The following RBPJ variants were observed in gnomAD, a reference collection of about 807,000 sequenced individuals.
RBPJ encodes recombining binding protein suppressor of hairless.
RBPJ carries 9 observed loss-of-function variants against 67.8 expected under a neutral mutation model. The observed-to-expected ratio is 0.13, with a 90% CI of 0.08 to 0.23. The LOEUF is 0.23. Ranked by LOEUF, RBPJ falls within the 10% of genes least tolerant of loss-of-function variation. The probability of loss-of-function intolerance (pLI) is 1.00; values close to 1 mark genes in which losing one functional copy is unlikely to be tolerated. For missense variants in RBPJ, 305 were observed against 595.6 expected (o/e 0.51, Z 5.08); for synonymous variants, 198 against 203.3 (o/e 0.97, Z 0.22).
chr4:26,316,577 A>ATATTCATG (rs1560258540), upstream of RBPJ, among the ~76,000 whole-genome samples: 30 of 65,986 alleles, frequency 4.5e-4, no homozygotes, highest in African/African-American at 2.1e-3. Context: ...ACATTCATAT[A>ATATTCATG]TATACATTCA....
the RBPJ span, among the ~76,000 whole-genome samples, chr4:26,155,671 G>A: frequency 6.6e-6 from 1 of 152,120 alleles, no homozygotes; most frequent in Admixed American, 6.5e-5. Flanking sequence ...CTGACCTCAA[G>A]TGATCTGCCC....
intron 2 of RBPJ, among the ~76,000 whole-genome samples, chr4:26,389,585 T>C (rs1185650213): frequency 1.3e-5 from 2 of 149,658 alleles, no homozygotes; most frequent in African/African-American, 2.5e-5. Context: ...AGAAATCCGA[T>C]TCTGTACAAA....
At chr4:26,317,878 A>C (rs986855069), upstream of RBPJ, among the ~76,000 whole-genome samples, 3 of 152,082 alleles carry the variant, frequency 2.0e-5, no homozygotes, top group African/African-American at 7.2e-5. Context: ...CTTTGTGGTT[A>C]CCATGGCTTC....
chr4:26,378,512 A>G (rs993166550), intron 1 of RBPJ, among the ~76,000 whole-genome samples: 2 of 152,164 alleles, frequency 1.3e-5, no homozygotes, highest in Non-Finnish European at 2.9e-5. Flanking sequence ...AGGTATGGAT[A>G]TTTGGAAAGA....
At chr4:26,316,139 A>C (rs1460827193), upstream of RBPJ, among the ~76,000 whole-genome samples, 1 of 151,952 alleles carries the variant, frequency 6.6e-6, no homozygotes, top group African/African-American at 2.4e-5. Context: ...AGAAATTATA[A>C]GAGTATTATT....
intron 1 of RBPJ, among the ~76,000 whole-genome samples, chr4:26,340,344 A>T (rs1369924852): frequency 6.6e-6 from 1 of 152,210 alleles, no homozygotes; most frequent in Non-Finnish European, 1.5e-5. Flanking sequence ...GAGTAGTAAG[A>T]GGAAGAACAG....
intron 1 of RBPJ, among the ~76,000 whole-genome samples, chr4:26,176,085 C>T (rs2109123306): frequency 6.6e-6 from 1 of 152,290 alleles, no homozygotes; most frequent in Non-Finnish European, 1.5e-5. Flanking sequence ...AGATAAACAA[C>T]AAATAATTTT....
chr4:26,404,140 T>A (rs1733138481), intron 2 of RBPJ, among the ~76,000 whole-genome samples: 1 of 151,964 alleles, frequency 6.6e-6, no homozygotes, highest in African/African-American at 2.4e-5. Flanking sequence ...TACTGAGCTT[T>A]TTTTCATATG....
At chr4:26,382,344 T>G (rs987568431) in intron 1 of RBPJ, among the ~76,000 whole-genome samples, 1 of 152,226 alleles carries the variant, frequency 6.6e-6, no homozygotes, top group Admixed American at 6.5e-5. Context: ...AATGATTATT[T>G]TGGTTGCATA....
At position 26,237,709 on chromosome 4, in the gene RBPJ, C is replaced by T. The variant is rs74341848; in HGVS notation, c.-167+74095C>T. 7.8e-3 allele frequency among the ~76,000 whole-genome samples: 1,195 copies of T among 152,296 alleles called. 12 individuals carry two copies. Among genetic ancestry groups the T allele is most frequent in the South Asian group, 0.022 (108 of 4,824 alleles). Reference sequence around the variant, plus strand: ...TCACTTCAATTTTTTGACCCTCGGTCTCCCTATCAGTACAATTTGGACAAT... The same window carrying T: ...TCACTTCAATTTTTTGACCCTCGGTTTCCCTATCAGTACAATTTGGACAAT... On this transcript the variant is annotated intron_variant, in intron 1 of 4. Coordinates refer to the RBPJ transcript ENST00000512351.
intron 1 of RBPJ, among the ~76,000 whole-genome samples, chr4:26,195,385 C>G (rs1717719143): frequency 6.6e-6 from 1 of 152,012 alleles, no homozygotes; most frequent in Admixed American, 6.6e-5. Flanking sequence ...GAACATTATT[C>G]AGTAAGAAAA....
chr4:26,149,639 A>T, the RBPJ span, among the ~76,000 whole-genome samples: 1 of 152,076 alleles, frequency 6.6e-6, no homozygotes, highest in Non-Finnish European at 1.5e-5. Context: ...CTTTCTCATG[A>T]TCTATGCCCT....
intron 1 of RBPJ, among the ~76,000 whole-genome samples, chr4:26,378,069 G>T (rs1397200013): frequency 1.3e-5 from 2 of 152,068 alleles, no homozygotes; most frequent in Non-Finnish European, 2.9e-5. Context: ...ACTTTTTGCT[G>T]TGTGTCCTTA....
At chr4:26,220,571 A>T (rs780071414) in intron 1 of RBPJ, among the ~76,000 whole-genome samples, 2 of 152,002 alleles carry the variant, frequency 1.3e-5, no homozygotes, top group Non-Finnish European at 2.9e-5. Flanking sequence ...CAGGTCTTGA[A>T]CTCCGGTCAC....
chr4:26,173,184 G>T (rs540735166), intron 1 of RBPJ, among the ~76,000 whole-genome samples: 8 of 152,228 alleles, frequency 5.3e-5, no homozygotes, highest in African/African-American at 1.9e-4. Flanking sequence ...TGCCCAGGCT[G>T]GAGTGCAGTG....
intron 1 of RBPJ, among the ~76,000 whole-genome samples, chr4:26,301,989 C>T (rs995219304): frequency 1.3e-5 from 2 of 152,110 alleles, no homozygotes; most frequent in African/African-American, 2.4e-5. Context: ...GATGGGGTTT[C>T]GCCATGTTGG....
intron 1 of RBPJ, among the ~76,000 whole-genome samples, chr4:26,263,257 A>G (rs1720597259): frequency 6.6e-6 from 1 of 152,034 alleles, no homozygotes; most frequent in African/African-American, 2.4e-5. Context: ...AGCCACTTTC[A>G]TCCACACACT....
intron 1 of RBPJ, among the ~76,000 whole-genome samples, chr4:26,358,610 CAAAAAAA>C (rs771623602): frequency 0.017 from 750 of 43,116 alleles, 15 homozygotes; most frequent in African/African-American, 0.054. Context: ...CCCATCTCTG[CAAAAAAA>C]AAAAAAAAAA....
chr4:26,319,732 C>T, upstream of RBPJ: 2 of 809,048 alleles, frequency 2.5e-6, no homozygotes, highest in Middle Eastern at 2.2e-4. Flanking sequence ...CGCAGTGCCG[C>T]TCGCGCGGGC....
Sources: allele counts gnomAD v4.1 joint callset (sites outside exome capture counted in the v4.1 genomes callset), GRCh38; gene constraint gnomAD v4.1.1; transcripts MANE v1.5; gene names NCBI Gene and HGNC (gene_info 2026-07-23, HGNC 2026-07-21).